Variants in MTBP observed in about 807,000 individuals in gnomAD.
MTBP encodes MDM2 binding protein, also known as mdm2-binding protein.
MTBP carries 101 observed loss-of-function variants against 117.0 expected under a neutral mutation model. The ratio of observed to expected loss-of-function variants is 0.86; its 90% CI spans 0.73 to 1.02. MTBP has a LOEUF of 1.02. Among genes scored for constraint, MTBP ranks in the 50% least tolerant of loss-of-function variants. The pLI is 0.00. For missense variants in MTBP, 970 were observed against 1,030.9 expected (o/e 0.94, Z 0.81); for synonymous variants, 350 against 351.5 (o/e 1.00, Z 0.05).
At chr8:120,463,312 A>AT in intron 9 of MTBP, among the ~76,000 whole-genome samples, 1 of 152,300 alleles carries the variant, frequency 6.6e-6, no homozygotes, top group South Asian at 2.1e-4. Context: ...CTCTTTTAAA[A>AT]ATATATAAGC....
In MTBP at chr8:120,457,860, G is replaced by A. The variant is rs184095282; in HGVS notation, c.747+1190G>A. 3.7e-3 allele frequency among the ~76,000 whole-genome samples: 568 copies of A among 151,746 alleles called. 4 individuals are homozygous for A. The highest frequency in any genetic ancestry group is 0.013 in the African/African-American group (543 of 41,370). ...AGGCAGGAGAATGAGGCAGGAGAATGGTGTGAACCCGGGAGGCGGAGGTTT... is the reference window on the plus strand; with the variant it reads ...AGGCAGGAGAATGAGGCAGGAGAATAGTGTGAACCCGGGAGGCGGAGGTTT... On this transcript the variant is annotated intron_variant, in intron 7 of 21. Coordinates refer to ENST00000305949, the MANE Select transcript of MTBP (RefSeq NM_022045.5).
At chr8:120,461,809 G>C (rs1264697317) in intron 9 of MTBP, among the ~76,000 whole-genome samples, 4 of 152,032 alleles carry the variant, frequency 2.6e-5, no homozygotes, top group Admixed American at 1.3e-4. Context: ...TGACTTCTGT[G>C]TTTTACTCAA....
chr8:120,457,822 G>A (rs1435227698), intron 7 of MTBP, among the ~76,000 whole-genome samples: 1 of 151,876 alleles, frequency 6.6e-6, no homozygotes, highest in East Asian at 1.9e-4. Context: ...TACTCAAGAG[G>A]CTGGGACTCT....
In MTBP at chr8:120,506,836, C is replaced by T. The variant is rs763599229; in HGVS notation, c.1858C>T (p.Leu620Phe). 1 of 1,611,118 alleles carries T rather than the reference C, an allele frequency of 6.2e-7. No individual in the cohort carries two copies. Among genetic ancestry groups the T allele is most frequent in the Admixed American group, 1.7e-5 (1 of 59,298 alleles). The change falls in exon 16 of 22, where the codon CTT becomes TTT. Residue 620 changes from leucine (L) to phenylalanine (F), a missense_variant. Coordinates refer to ENST00000305949, the MANE Select transcript of MTBP (RefSeq NM_022045.5). ...CTCAGATGGATTACCCATTGGAGAT[C>T]TTCAACCTTTACCGATTCAAAAGGG... ...FTSDGLPIGD[L>F]QPLPIQKGEK...
rs143093435 is a variant in MTBP, at chr8:120,499,336, G to A, written c.1609+1782G>A. ...ATTTAAATGTAACTTTCTCAAAGAG[G>A]CTTTCCCAGACCTTCCCCAGTTTCA... On this transcript the variant is annotated intron_variant, in intron 14 of 21. Coordinates refer to ENST00000305949, the MANE Select transcript of MTBP (RefSeq NM_022045.5). Among the ~76,000 whole-genome samples, 991 of 152,156 alleles carry A rather than the reference G, an allele frequency of 6.5e-3. 6 individuals are homozygous for A. The highest frequency in any genetic ancestry group is 0.01 in the Non-Finnish European group (713 of 67,988).
intron 11 of MTBP, among the ~76,000 whole-genome samples, chr8:120,479,293 T>C (rs78389847): frequency 7.0e-4 from 107 of 152,238 alleles, no homozygotes; most frequent in East Asian, 3.9e-3. Context: ...TAAAAAATAG[T>C]GGGCTGAAAC....
intron 15 of MTBP, among the ~76,000 whole-genome samples, chr8:120,505,266 C>T (rs1180367320): frequency 1.3e-5 from 2 of 152,072 alleles, no homozygotes; most frequent in African/African-American, 4.8e-5. Flanking sequence ...GAATGTTTGT[C>T]AGGCTTCACT....
chr8:120,470,177 A>AT (rs2130546736), intron 10 of MTBP, among the ~76,000 whole-genome samples: 1 of 152,320 alleles, frequency 6.6e-6, no homozygotes, highest in East Asian at 1.9e-4. Flanking sequence ...GATTATGGTG[A>AT]TTTTGTTGAA....
chr8:120,459,582 C>T (rs2130526217), intron 8 of MTBP, among the ~76,000 whole-genome samples: 1 of 152,102 alleles, frequency 6.6e-6, no homozygotes, highest in African/African-American at 2.4e-5. Context: ...GTGTATAGTC[C>T]TGAAACCACC....
chr8:120,458,268 A>G (rs1269655317), intron 7 of MTBP, among the ~76,000 whole-genome samples: 1 of 152,054 alleles, frequency 6.6e-6, no homozygotes, highest in Non-Finnish European at 1.5e-5. Context: ...TTTTCTTTCT[A>G]GTTTAACGTA....
At chr8:120,450,404 T>A (rs911738046) in intron 2 of MTBP, among the ~76,000 whole-genome samples, 1 of 152,196 alleles carries the variant, frequency 6.6e-6, no homozygotes, top group African/African-American at 2.4e-5. Flanking sequence ...TTCCATTAGT[T>A]AAGCCTCAGT....
At chr8:120,471,948 T>C (rs922613783) in intron 11 of MTBP, 1 of 152,208 alleles carries the variant, frequency 6.6e-6, no homozygotes, top group African/African-American at 2.4e-5. Flanking sequence ...CATGAGGTGA[T>C]TCTGGCTTAG....
intron 2 of MTBP, among the ~76,000 whole-genome samples, chr8:120,448,451 T>G (rs946998972): frequency 6.6e-6 from 1 of 152,200 alleles, no homozygotes; most frequent in Admixed American, 6.5e-5. Context: ...AAAAATTCCC[T>G]CATCCATTTA....
At chr8:120,496,617 G>A (rs1389320944) in intron 13 of MTBP, among the ~76,000 whole-genome samples, 1 of 151,236 alleles carries the variant, frequency 6.6e-6, no homozygotes, top group Non-Finnish European at 1.5e-5. Context: ...AAAGCTTGGA[G>A]TCCAACCTTT....
At chr8:120,490,596 C>T in intron 13 of MTBP, 26 bp downstream of exon 13, 1 of 1,448,052 alleles carries the variant, frequency 6.9e-7, no homozygotes, top group Non-Finnish European at 9.5e-7. Context: ...TGTATTTTAT[C>T]CTACCCTAAA....
Position 120,463,711 on chromosome 8 carries a change from A to C in MTBP, c.997A>C (p.Lys333Gln), listed in dbSNP as rs1813627891. 6.2e-7 allele frequency: 1 copy of C among 1,611,684 alleles called. No homozygotes were observed. The highest frequency in any genetic ancestry group is 1.3e-5 in the African/African-American group (1 of 74,884). The change falls in exon 10 of 22, where the codon AAA (lysine) becomes CAA (glutamine). Residue 333 changes from lysine (K) to glutamine (Q), a missense_variant. By Grantham distance (53) the Lys-to-Gln change is moderately conservative (BLOSUM62 1). Transcript: ENST00000305949. ...GTACAGAGGATTGACAAACAGTACC[A>C]AACAGAATTCTGTGTTGCTGTTGGA... ...EFELGLTNST[K>Q]QNSVLLLEQI...
intron 5 of MTBP, 39 bp from the exon 6 acceptor site, chr8:120,455,396 C>CT: frequency 7.0e-7 from 1 of 1,430,012 alleles, no homozygotes; most frequent in Non-Finnish European, 9.5e-7. Context: ...TCAGATCTAA[C>CT]TTTTTAAAAA....
rs147057832 is a variant in MTBP at position 120,517,951 on chromosome 8, C to T, written c.2347C>T (p.Arg783Trp). 3.7e-5 allele frequency: 59 copies of T among 1,612,336 alleles called. 1 individual carries two copies. In the African/African-American group the frequency reaches 3.9e-4, roughly 11 times the overall value. The change falls in exon 19 of 22, where the codon CGG (arginine) becomes TGG (tryptophan). Residue 783 changes from arginine to tryptophan, a missense_variant. By Grantham distance (101) the Arg-to-Trp change is moderately radical. Transcript: ENST00000305949. ...HVTSRKPQTE[R>W]SLPVTCPLVP... Reference sequence around the variant, plus strand: ...GACATCCAGAAAGCCACAAACAGAACGGTCCTTACCAGTGACTTGTCCATT... The same window carrying T: ...GACATCCAGAAAGCCACAAACAGAATGGTCCTTACCAGTGACTTGTCCATT...
At chr8:120,471,944 G>A (rs1408608713) in intron 11 of MTBP, 1 of 152,114 alleles carries the variant, frequency 6.6e-6, no homozygotes, top group East Asian at 1.9e-4. Context: ...ATTTCATGAG[G>A]TGATTCTGGC....
Sources: gnomAD v4.1 joint callset for allele counts (sites outside exome capture counted in the v4.1 genomes callset) on GRCh38, gnomAD v4.1.1 for gene constraint, MANE v1.5 for transcripts, NCBI Gene and HGNC (gene_info 2026-07-23, HGNC 2026-07-21) for gene names.